The following SOX5 variants were observed in gnomAD, a reference collection of about 807,000 sequenced individuals.
SOX5 encodes SRY-box transcription factor 5.
A neutral mutation model predicts 92.0 loss-of-function variants in SOX5; 9 were observed. The observed-to-expected ratio is 0.10, with a 90% CI of 0.06 to 0.17. SOX5 has a LOEUF of 0.17. SOX5 is among the 10% of genes least tolerant of loss of function. The pLI, the probability that SOX5 is intolerant of heterozygous loss-of-function variation, is 1.00. For missense variants in SOX5, 642 were observed against 944.5 expected (o/e 0.68, Z 4.20); for synonymous variants, 344 against 336.3 (o/e 1.02, Z -0.25).
intron 6 of SOX5, among the ~76,000 whole-genome samples, chr12:23,685,248 T>C (rs1231376881): frequency 1.3e-5 from 2 of 152,094 alleles, no homozygotes; most frequent in Admixed American, 6.6e-5. Flanking sequence ...CTTCTTTCTA[T>C]TCTCCTGCTT....
At chr12:23,696,291 G>A (rs1449054242) in intron 6 of SOX5, among the ~76,000 whole-genome samples, 2 of 151,944 alleles carry the variant, frequency 1.3e-5, no homozygotes, top group African/African-American at 4.8e-5. Context: ...ACTGAAAATT[G>A]TATTTCTTTA....
chr12:23,748,877 T>C (rs187417357), intron 4 of SOX5, among the ~76,000 whole-genome samples: 1 of 152,132 alleles, frequency 6.6e-6, no homozygotes, highest in Non-Finnish European at 1.5e-5. Flanking sequence ...TACTAGGCTA[T>C]AAGCTCTAGG....
chr12:23,680,870 A>T (rs906628548), intron 6 of SOX5, among the ~76,000 whole-genome samples: 1 of 150,408 alleles, frequency 6.6e-6, no homozygotes, highest in Non-Finnish European at 1.5e-5. Context: ...TCCAGTAAAC[A>T]CTTTCAAGAA....
chr12:23,643,695 A>G (rs1483344186), intron 7 of SOX5, among the ~76,000 whole-genome samples: 1 of 152,230 alleles, frequency 6.6e-6, no homozygotes, highest in Non-Finnish European at 1.5e-5. Flanking sequence ...AGACTTCCAG[A>G]CAGTGATAAT....
intron 4 of SOX5, among the ~76,000 whole-genome samples, chr12:24,098,742 C>T (rs1174318925): frequency 6.6e-6 from 1 of 152,110 alleles, no homozygotes; most frequent in Non-Finnish European, 1.5e-5. Flanking sequence ...CATCCCTCTC[C>T]CAGAAAAGGC....
intron 3 of SOX5, among the ~76,000 whole-genome samples, chr12:23,835,361 A>G (rs1318748680): frequency 6.6e-6 from 1 of 151,876 alleles, no homozygotes; most frequent in Non-Finnish European, 1.5e-5. Context: ...ATTTAACATC[A>G]ACTGCTGTGT....
chr12:23,985,925 C>T (rs1950021360), intron 4 of SOX5, among the ~76,000 whole-genome samples: 1 of 152,080 alleles, frequency 6.6e-6, no homozygotes, highest in Admixed American at 6.6e-5. Context: ...CGGTCCCCTT[C>T]AGTGTTTAAA....
At chr12:24,026,770 G>A (rs961473639) in intron 4 of SOX5, among the ~76,000 whole-genome samples, 15 of 151,938 alleles carry the variant, frequency 9.9e-5, no homozygotes, top group Admixed American at 5.9e-4. Context: ...CAGGAAAAGC[G>A]GAAGCCACTG....
chr12:24,497,995 G>T (rs904242821), intron 1 of SOX5, among the ~76,000 whole-genome samples: 1 of 152,100 alleles, frequency 6.6e-6, no homozygotes, highest in Non-Finnish European at 1.5e-5. Flanking sequence ...GGGGCTGAAT[G>T]ATGAGAACAC....
chr12:24,290,941 G>A, intron 2 of SOX5, among the ~76,000 whole-genome samples: 1 of 152,134 alleles, frequency 6.6e-6, no homozygotes, highest in East Asian at 1.9e-4. Flanking sequence ...CAGACACAGG[G>A]CTAAGTTCAC....
At chr12:24,256,351 C>A (rs571224092) in intron 3 of SOX5, among the ~76,000 whole-genome samples, 3 of 152,126 alleles carry the variant, frequency 2.0e-5, no homozygotes, top group African/African-American at 7.2e-5. Flanking sequence ...CTGAAAAATT[C>A]TTTCTCTAAT....
Position 24,391,500 on chromosome 12 carries a change from G to A in SOX5, c.-250-22861C>T, listed in dbSNP as rs1053795153. 3.3e-5 allele frequency among the ~76,000 whole-genome samples: 5 copies of A among 152,062 alleles called. No homozygotes were observed. The East Asian group carries it at 9.6e-4, about 29-fold the overall frequency. On this transcript the variant is annotated intron_variant, in intron 1 of 4. Transcript: ENST00000446891. ...AGAGGATAACCCAATGAATAAAAACGGTGGCACCTAACTACAGACGTCTCT... is the reference window on the plus strand; with the variant it reads ...AGAGGATAACCCAATGAATAAAAACAGTGGCACCTAACTACAGACGTCTCT...
Position 24,489,683 on chromosome 12 carries a change from C to T in SOX5, c.-251+72646G>A, listed in dbSNP as rs1428496833. On this transcript the variant is annotated intron_variant, in intron 1 of 4. Transcript: ENST00000446891. ...GAATTGTTGAGCAGTGGAAAAGTTG[C>T]CATCTTCAGTTACATCTATCCCCTT... Among the ~76,000 whole-genome samples, 3 of 152,204 alleles carry T rather than the reference C, an allele frequency of 2.0e-5. No individual in the cohort carries two copies. In the East Asian group the frequency reaches 5.8e-4, roughly 29 times the overall value.
chr12:23,986,330 T>G (rs890737604), intron 4 of SOX5, among the ~76,000 whole-genome samples: 1 of 152,044 alleles, frequency 6.6e-6, no homozygotes, highest in Non-Finnish European at 1.5e-5. Context: ...CCAGGCCTCA[T>G]GAAGTTTGCA....
chr12:23,857,900 T>G (rs1202823085), intron 2 of SOX5, among the ~76,000 whole-genome samples: 1 of 151,998 alleles, frequency 6.6e-6, no homozygotes, highest in Non-Finnish European at 1.5e-5. Context: ...ACTTGGCTAA[T>G]TTTTTGTATT....
chr12:24,036,625 G>T (rs1592560720), intron 4 of SOX5, among the ~76,000 whole-genome samples: 3 of 152,066 alleles, frequency 2.0e-5, no homozygotes, highest in Admixed American at 2.0e-4. Flanking sequence ...CAGTCCCTGT[G>T]TCACTAAGGT....
chr12:23,941,524 T>C (rs1016010420), intron 1 of SOX5, among the ~76,000 whole-genome samples: 2 of 151,542 alleles, frequency 1.3e-5, no homozygotes, highest in African/African-American at 4.8e-5. Context: ...TGTAGTTATA[T>C]TTAGGACTGG....
At chr12:23,676,400 A>G (rs2085695885) in intron 6 of SOX5, among the ~76,000 whole-genome samples, 1 of 152,192 alleles carries the variant, frequency 6.6e-6, no homozygotes, top group African/African-American at 2.4e-5. Context: ...TAAAAAAGCT[A>G]CACTTTATAC....
At chr12:23,962,710 T>A (rs2140034620) in intron 4 of SOX5, among the ~76,000 whole-genome samples, 1 of 152,342 alleles carries the variant, frequency 6.6e-6, no homozygotes, top group Non-Finnish European at 1.5e-5. Context: ...TGATTGCATT[T>A]AAAGTGATCA....
Sources: allele counts gnomAD v4.1 joint callset (sites outside exome capture counted in the v4.1 genomes callset), GRCh38; gene constraint gnomAD v4.1.1; transcripts MANE v1.5; gene names NCBI Gene and HGNC (gene_info 2026-07-23, HGNC 2026-07-21).